THSD7A: variants seen among roughly 807,000 people sequenced by gnomAD.
The protein encoded by THSD7A is thrombospondin type 1 domain containing 7A.
Under a neutral mutation model 231.3 loss-of-function variants are expected in THSD7A, and 96 were observed. That is an observed-to-expected ratio of 0.41 (90% CI 0.35 to 0.49). The LOEUF (loss-of-function observed/expected upper bound fraction) is 0.49. Ranked by LOEUF, THSD7A falls within the 20% of genes least tolerant of loss-of-function variation. The pLI is 0.05. For missense variants in THSD7A, 2,290 were observed against 2,070.2 expected (o/e 1.11, Z -2.06); for synonymous variants, 940 against 743.3 (o/e 1.26, Z -4.30).
chr7:11,625,825 A>G (rs1781457995), intron 2 of THSD7A, among the ~76,000 whole-genome samples: 5 of 152,086 alleles, frequency 3.3e-5, no homozygotes, highest in Admixed American at 3.3e-4. Context: ...GCGAAACTCA[A>G]TACTACCCAC....
At chr7:11,512,802 T>G in intron 6 of THSD7A, among the ~76,000 whole-genome samples, 1 of 134,248 alleles carries the variant, frequency 7.4e-6, no homozygotes, top group East Asian at 2.7e-4. Context: ...GGGGGAGGGA[T>G]AGCATTAGGA....
chr7:11,689,400 C>T (rs1334480687), intron 1 of THSD7A, among the ~76,000 whole-genome samples: 1 of 151,832 alleles, frequency 6.6e-6, no homozygotes, highest in East Asian at 2.0e-4. Context: ...ACTGACAGTA[C>T]AGAGAGTAGA....
intron 17 of THSD7A, 50 bp downstream of exon 17, chr7:11,417,400 G>A (rs1274595552): frequency 4.8e-6 from 7 of 1,460,638 alleles, no homozygotes; most frequent in Non-Finnish European, 6.4e-6. Flanking sequence ...AAGCTTCAGT[G>A]GCAAATAATT....
chr7:11,607,031 G>A (rs972686685), intron 2 of THSD7A, among the ~76,000 whole-genome samples: 4 of 151,422 alleles, frequency 2.6e-5, no homozygotes, highest in African/African-American at 9.7e-5. Context: ...ATATATAAAA[G>A]AAAAAGGAAA....
intron 2 of THSD7A, among the ~76,000 whole-genome samples, chr7:11,605,185 T>C (rs1032520780): frequency 1.3e-5 from 2 of 152,106 alleles, no homozygotes; most frequent in South Asian, 2.1e-4. Flanking sequence ...TATGTACATG[T>C]ATATATGTAT....
At chr7:11,431,642 G>A (rs1233018799) in intron 13 of THSD7A, among the ~76,000 whole-genome samples, 2 of 151,938 alleles carry the variant, frequency 1.3e-5, no homozygotes, top group East Asian at 1.9e-4. Context: ...TTCCTATTTC[G>A]TTTTTCCTTT....
intron 2 of THSD7A, among the ~76,000 whole-genome samples, chr7:11,619,916 G>T (rs900592908): frequency 6.6e-6 from 1 of 152,044 alleles, no homozygotes; most frequent in Non-Finnish European, 1.5e-5. Flanking sequence ...AAAAATTCCT[G>T]ATAAAACATG....
chr7:11,551,991 A>C (rs140578051), intron 4 of THSD7A, among the ~76,000 whole-genome samples: 1 of 152,114 alleles, frequency 6.6e-6, no homozygotes, highest in African/African-American at 2.4e-5. Flanking sequence ...GGTACAAAAA[A>C]AGAAAGAAAT....
intron 2 of THSD7A, among the ~76,000 whole-genome samples, chr7:11,625,439 T>A (rs1781445533): frequency 6.6e-6 from 1 of 152,112 alleles, no homozygotes; most frequent in Non-Finnish European, 1.5e-5. Flanking sequence ...AAACAAATTT[T>A]TCATCATCAC....
At chr7:11,522,359 A>G (rs899041297) in intron 6 of THSD7A, among the ~76,000 whole-genome samples, 45 of 152,330 alleles carry the variant, frequency 3.0e-4, no homozygotes, top group African/African-American at 9.9e-4. Flanking sequence ...GTGGAAATCA[A>G]TATAACTTAA....
chr7:11,419,692 C>G (rs1015943815), intron 16 of THSD7A, among the ~76,000 whole-genome samples: 1 of 152,118 alleles, frequency 6.6e-6, no homozygotes, highest in African/African-American at 2.4e-5. Context: ...TTGGAGGGAT[C>G]AGAAGAAGAC....
At position 11,606,670 on chromosome 7, in the gene THSD7A, T is replaced by C. The variant is rs1161630084; in HGVS notation, c.1023-13168A>G. Among the ~76,000 whole-genome samples the C allele has an allele frequency of 4.6e-5, 7 of 152,250 alleles. No homozygotes were observed. The East Asian group carries it at 1.4e-3, about 29-fold the overall frequency. ...AAATAAATTTAATAATACTTTTTTATATTAATGATATTACCTGACATCACT... is the reference window on the plus strand; with the variant it reads ...AAATAAATTTAATAATACTTTTTTACATTAATGATATTACCTGACATCACT... On this transcript the variant is annotated intron_variant, in intron 2 of 27. Transcript: ENST00000423059.
chr7:11,460,798 G>A (rs1237715741), intron 10 of THSD7A, 33 bp from the exon 11 acceptor site: 6 of 1,575,094 alleles, frequency 3.8e-6, no homozygotes, highest in Non-Finnish European at 5.2e-6. Flanking sequence ...CAGTGGGGAA[G>A]AAGCAAAAAT....
At chr7:11,546,170 T>G in intron 4 of THSD7A, among the ~76,000 whole-genome samples, 1 of 109,990 alleles carries the variant, frequency 9.1e-6, no homozygotes, top group African/African-American at 3.6e-5. Flanking sequence ...CACCACCCTG[T>G]TGCTGCTCTG....
chr7:11,798,596 A>G (rs1208187501), intron 1 of THSD7A, among the ~76,000 whole-genome samples: 2 of 152,194 alleles, frequency 1.3e-5, no homozygotes, highest in East Asian at 3.9e-4. Context: ...ACTATTATTT[A>G]GGTGATTTGA....
At chr7:11,555,847 T>A (rs1789822667) in intron 4 of THSD7A, among the ~76,000 whole-genome samples, 1 of 151,804 alleles carries the variant, frequency 6.6e-6, no homozygotes, top group Admixed American at 6.6e-5. Context: ...CTGTCTCTGG[T>A]AATTTTCTTT....
In THSD7A at chr7:11,411,442, T is replaced by C; in HGVS notation, c.3683-120A>G. On this transcript the variant is annotated intron_variant, in intron 18 of 27. Coordinates refer to ENST00000423059, the MANE Select transcript of THSD7A (RefSeq NM_015204.3). This position sits in a 1 kb window ranked among gnomAD's most constrained non-coding sequence, Gnocchi z 4.1. ...ACTGCTTCCTAAGCCCCATAATCAA[T>C]CATCCCCCATGCAGAGCATATGGGT... 2 of 675,868 alleles carry C rather than the reference T, an allele frequency of 3.0e-6. No individual in the cohort carries two copies. Among genetic ancestry groups the C allele is most frequent in the Non-Finnish European group, 5.1e-6 (2 of 394,014 alleles). The allele number at this position is 675,868 out of a possible 1,614,324, so 41.9% of individuals were successfully genotyped here.
chr7:11,679,067 C>A (rs1783762173), intron 1 of THSD7A, among the ~76,000 whole-genome samples: 1 of 152,108 alleles, frequency 6.6e-6, no homozygotes, highest in Non-Finnish European at 1.5e-5. Flanking sequence ...TAAATGTAAT[C>A]CATCACATAA....
At chr7:11,566,965 T>TAGCGGGGGGGGGGGGC in intron 4 of THSD7A, among the ~76,000 whole-genome samples, 1 of 92,306 alleles carries the variant, frequency 1.1e-5, no homozygotes, top group Non-Finnish European at 2.1e-5. Flanking sequence ...TGTGGGAGAG[T>TAGCGGGGGGGGGGGGC]GGGGGGGGGA....
Sources: gnomAD v4.1 joint callset for allele counts (sites outside exome capture counted in the v4.1 genomes callset) on GRCh38, gnomAD v4.1.1 for gene constraint, Gnocchi (gnomAD v3.1) non-coding constraint, MANE v1.5 for transcripts, NCBI Gene and HGNC (gene_info 2026-07-23, HGNC 2026-07-21) for gene names.